The following PTPRN2 variants were observed in gnomAD, a reference collection of about 807,000 sequenced individuals.
PTPRN2 encodes receptor-type tyrosine-protein phosphatase N2.
Under a neutral mutation model 118.8 loss-of-function variants are expected in PTPRN2, and 74 were observed. The ratio of observed to expected loss-of-function variants is 0.62; its 90% CI spans 0.52 to 0.76. The LOEUF (loss-of-function observed/expected upper bound fraction) is 0.76. Ranked by LOEUF, PTPRN2 falls within the 30% of genes least tolerant of loss-of-function variation. The pLI, the probability that PTPRN2 is intolerant of heterozygous loss-of-function variation, is 0.00. For missense variants in PTPRN2, 1,481 were observed against 1,394.4 expected, an observed-to-expected ratio of 1.06 and a Z score of -0.99; for synonymous variants, 641 against 608.0, an observed-to-expected ratio of 1.05 and a Z score of -0.80.
rs201860011 is a variant in PTPRN2, at chr7:158,071,318, A to G, written c.1723+9980T>C. 7.4e-3 allele frequency among the ~76,000 whole-genome samples: 177 copies of G among 23,982 alleles called. 3 individuals carry two copies. The highest frequency in any genetic ancestry group is 0.016 in the African/African-American group (76 of 4,810). The allele number at this position is 23,982 out of a possible 152,430, so 15.7% of individuals were successfully genotyped here. ...TGCTCGTGGTGGAGGTGCCCATGGT[A>G]GTGGAGGTGCCCATGGTGGTGGAGG... On this transcript the variant is annotated intron_variant, in intron 11 of 22. Coordinates refer to ENST00000389418, the MANE Select transcript of PTPRN2 (RefSeq NM_002847.5).
chr7:158,015,454 TGAGAGAGAGAGAGAGAGGAAGAGAGG>T lies in PTPRN2; in HGVS notation c.1723+65818_1723+65843del, dbSNP rs1806376489. 7.8e-6 allele frequency among the ~76,000 whole-genome samples: 1 copy of T among 127,652 alleles called. No individual in the cohort carries two copies. The highest frequency in any genetic ancestry group is 3.0e-5 in the African/African-American group (1 of 33,376). The allele number at this position is 127,652 out of a possible 152,430, so 83.7% of individuals were successfully genotyped here. Reference sequence around the variant, plus strand: ...AGGGAAAAAGTGAGAGGAGGGGTGGTGAGAGAGAGAGAGAGAGGAAGAGAGGGAGAGAGGGAGAGAGGGAGATAGAG... The same window carrying T: ...AGGGAAAAAGTGAGAGGAGGGGTGGTGAGAGAGGGAGAGAGGGAGATAGAG... On this transcript the variant is annotated intron_variant, in intron 11 of 22. Transcript: ENST00000389418. The surrounding 1 kb of genome is among the most constrained non-coding windows in gnomAD (Gnocchi z 4.2).
intron 13 of PTPRN2, 81 bp downstream of exon 13, chr7:157,682,644 G>A: frequency 7.3e-7 from 1 of 1,366,444 alleles, no homozygotes; most frequent in Non-Finnish European, 1.0e-6. Context: ...GGGAATGGAG[G>A]AGGGGCCAGA....
At chr7:158,161,930 C>T (rs1159438781) in intron 6 of PTPRN2, among the ~76,000 whole-genome samples, 1 of 152,094 alleles carries the variant, frequency 6.6e-6, no homozygotes, top group Non-Finnish European at 1.5e-5. Flanking sequence ...GCCCAGAGAC[C>T]ACCACAGACA....
At chr7:158,072,236 G>A (rs549190745) in intron 11 of PTPRN2, among the ~76,000 whole-genome samples, 72 of 152,280 alleles carry the variant, frequency 4.7e-4, no homozygotes, top group African/African-American at 1.6e-3. Flanking sequence ...ATGCAAATAC[G>A]TAGAATGCTG....
Position 157,948,382 on chromosome 7 carries a change from T to C in PTPRN2, c.1724-49645A>G, listed in dbSNP as rs1488974510. Reference sequence around the variant, plus strand: ...TAAGTTGGTATAAATTCAAACTACATTGTGATAAATGTGGGGTGTTAATTG... The same window carrying C: ...TAAGTTGGTATAAATTCAAACTACACTGTGATAAATGTGGGGTGTTAATTG... On this transcript the variant is annotated intron_variant, in intron 11 of 22. Transcript: ENST00000389418. Among the ~76,000 whole-genome samples, 4 of 152,288 alleles carry C rather than the reference T, an allele frequency of 2.6e-5. No individual in the cohort carries two copies. The East Asian group carries it at 7.7e-4, about 29-fold the overall frequency.
At chr7:158,322,571 C>T (rs542098332) in intron 2 of PTPRN2, among the ~76,000 whole-genome samples, 1 of 151,728 alleles carries the variant, frequency 6.6e-6, no homozygotes, top group Non-Finnish European at 1.5e-5. Flanking sequence ...ATGGCAGCAC[C>T]TGGCCCCAGT....
At chr7:158,308,203 CAA>C (rs1313618605) in intron 3 of PTPRN2, among the ~76,000 whole-genome samples, 2 of 152,180 alleles carry the variant, frequency 1.3e-5, no homozygotes, top group Non-Finnish European at 2.9e-5. Context: ...ATGATATATT[CAA>C]AGTCCTAAAA....
chr7:157,559,494 AG>A (rs1349920148), intron 21 of PTPRN2, among the ~76,000 whole-genome samples: 3 of 152,042 alleles, frequency 2.0e-5, no homozygotes, highest in African/African-American at 4.8e-5. Context: ...GAGGAGATGG[AG>A]GGGGGACCAC....
At chr7:158,260,493 G>A (rs536690551) in intron 3 of PTPRN2, among the ~76,000 whole-genome samples, 2 of 152,250 alleles carry the variant, frequency 1.3e-5, no homozygotes, top group South Asian at 4.1e-4. Flanking sequence ...GACTTCTTCA[G>A]AAGGCCTAGA....
At chr7:158,284,925 T>C (rs1015861183) in intron 3 of PTPRN2, among the ~76,000 whole-genome samples, 10 of 152,350 alleles carry the variant, frequency 6.6e-5, no homozygotes, top group African/African-American at 2.4e-4. Context: ...CTAGATTGCA[T>C]AGGGTGAGCA....
chr7:158,344,741 G>A (rs34808967), intron 2 of PTPRN2, among the ~76,000 whole-genome samples: 64,600 of 151,882 alleles, frequency 0.43, 15,476 homozygotes, highest in Non-Finnish European at 0.55. Flanking sequence ...GACGGTGCAC[G>A]ATTTGCAATG....
intron 13 of PTPRN2, among the ~76,000 whole-genome samples, chr7:157,667,530 ACCAAGGAGG>A (rs1170699586): frequency 3.3e-5 from 5 of 152,142 alleles, no homozygotes; most frequent in Non-Finnish European, 7.4e-5. Context: ...AGGACACAAT[ACCAAGGAGG>A]CCAGACCCCC....
At chr7:158,273,668 GGA>G (rs1167461566) in intron 3 of PTPRN2, among the ~76,000 whole-genome samples, 20 of 130,796 alleles carry the variant, frequency 1.5e-4, no homozygotes, top group East Asian at 4.7e-4. Flanking sequence ...CGCAGACACG[GGA>G]GGAGCCGCAG....
intron 1 of PTPRN2, among the ~76,000 whole-genome samples, chr7:158,523,542 A>AGCGG (rs1824428348): frequency 2.0e-5 from 1 of 48,840 alleles, no homozygotes; most frequent in Non-Finnish European, 4.3e-5. Flanking sequence ...TCTGCCCTGG[A>AGCGG]ATGGAGTCCT....
At chr7:158,166,459 C>G (rs1823000273) in intron 6 of PTPRN2, among the ~76,000 whole-genome samples, 1 of 133,072 alleles carries the variant, frequency 7.5e-6, no homozygotes. Flanking sequence ...ATCACCTCCC[C>G]TCCCACTGGC....
intron 2 of PTPRN2, among the ~76,000 whole-genome samples, chr7:158,395,310 GGTGAGGGGCGAGGGGCGAGGGGCGAGGC>G (rs1563239790): frequency 7.4e-6 from 1 of 135,394 alleles, no homozygotes. Context: ...AGGGGCGAGG[GGTGAGGGGCGAGGGGCGAGGGGCGAGGC>G]GCGAGGGGCC....
intron 3 of PTPRN2, among the ~76,000 whole-genome samples, chr7:158,311,821 CCA>C (rs1202191956): frequency 5.9e-5 from 9 of 151,446 alleles, no homozygotes; most frequent in East Asian, 3.9e-4. Context: ...GTGTAGACAC[CCA>C]CACACATGCA....
chr7:157,875,694 G>C (rs1017078956), intron 12 of PTPRN2, among the ~76,000 whole-genome samples: 14 of 152,158 alleles, frequency 9.2e-5, no homozygotes, highest in African/African-American at 2.4e-5. Flanking sequence ...GGGCCTCGGG[G>C]GTCAGGAGGG....
At chr7:157,900,612 T>C (rs1797384637) in intron 11 of PTPRN2, among the ~76,000 whole-genome samples, 1 of 152,146 alleles carries the variant, frequency 6.6e-6, no homozygotes, top group Non-Finnish European at 1.5e-5. Context: ...TTCAGCACAT[T>C]TCAGGCATTC....
Sources: gnomAD v4.1 joint callset for allele counts (sites outside exome capture counted in the v4.1 genomes callset) on GRCh38, gnomAD v4.1.1 for gene constraint, Gnocchi (gnomAD v3.1) non-coding constraint, MANE v1.5 for transcripts, NCBI Gene and HGNC (gene_info 2026-07-23, HGNC 2026-07-21) for gene names.